The following CMAS variants were observed in gnomAD, a reference collection of about 807,000 sequenced individuals.
The protein encoded by CMAS is N-acylneuraminate cytidylyltransferase.
Under a neutral mutation model 53.4 loss-of-function variants are expected in CMAS, and 21 were observed. The observed-to-expected ratio is 0.39, with a 90% CI of 0.28 to 0.57. CMAS has a LOEUF of 0.57. Among genes scored for constraint, CMAS ranks in the 20% least tolerant of loss-of-function variants. The probability of loss-of-function intolerance (pLI) is 0.56; values close to 1 mark genes in which losing one functional copy is unlikely to be tolerated. For missense variants in CMAS, 384 were observed against 534.9 expected, an observed-to-expected ratio of 0.72 and a Z score of 2.78; for synonymous variants, 189 against 195.2, an observed-to-expected ratio of 0.97 and a Z score of 0.27.
chr12:22,065,077 T>C, intron 7 of CMAS, 44 bp from the exon 8 acceptor site: 2 of 1,502,642 alleles, frequency 1.3e-6, no homozygotes, highest in Non-Finnish European at 1.8e-6. Flanking sequence ...TAGAATATTC[T>C]TTGTCTCTTT....
At chr12:22,053,739 C>T (rs1950250224) in intron 1 of CMAS, among the ~76,000 whole-genome samples, 1 of 147,864 alleles carries the variant, frequency 6.8e-6, no homozygotes, top group African/African-American at 2.5e-5. Context: ...ATTAGCCGGG[C>T]GTGTTGGCGG....
Position 22,062,439 on chromosome 12 carries a change from G to C in CMAS, c.1114+5G>C. 1 of 1,609,102 alleles carries C rather than the reference G, an allele frequency of 6.2e-7. No individual in the cohort carries two copies. The highest frequency in any genetic ancestry group is 8.5e-7 in the Non-Finnish European group (1 of 1,179,056). ...GGAAAGAAGTGGCATATCTTGGTTG[G>C]TATCTTTTTATTCACCCATAGTAAA... On this transcript the variant is annotated splice_donor_5th_base_variant and intron_variant, in intron 7 of 7. Transcript: ENST00000229329.
At chr12:22,058,193 G>T (rs561535438) in intron 3 of CMAS, among the ~76,000 whole-genome samples, 1 of 151,272 alleles carries the variant, frequency 6.6e-6, no homozygotes, top group East Asian at 2.0e-4. Flanking sequence ...TTGGGAGGCC[G>T]AGGTGGGCGG....
chr12:22,064,717 A>G (rs1303202438), intron 7 of CMAS, among the ~76,000 whole-genome samples: 1 of 152,178 alleles, frequency 6.6e-6, no homozygotes, highest in African/African-American at 2.4e-5. Flanking sequence ...GGCAGTGCAT[A>G]GAAAACAATA....
At chr12:22,047,398 G>T (rs953509624) in intron 1 of CMAS, among the ~76,000 whole-genome samples, 3 of 152,100 alleles carry the variant, frequency 2.0e-5, no homozygotes, top group Admixed American at 2.0e-4. Context: ...TGAATGTGTT[G>T]TTATTGTGGA....
intron 1 of CMAS, among the ~76,000 whole-genome samples, chr12:22,049,785 A>G (rs968878478): frequency 1.3e-5 from 2 of 152,084 alleles, no homozygotes; most frequent in Non-Finnish European, 2.9e-5. Context: ...CATGCCTGTA[A>G]TCCCAGCTAC....
chr12:22,061,264 A>C lies in CMAS; in HGVS notation c.789-17A>C. ...GTACTGCACTTGTACTCAAAGGTCTATTTTGGTTTCTTTTAGATATGGCTA... is the reference window on the plus strand; with the variant it reads ...GTACTGCACTTGTACTCAAAGGTCTCTTTTGGTTTCTTTTAGATATGGCTA... On this transcript the variant is annotated splice_polypyrimidine_tract_variant and intron_variant, in intron 5 of 7. Transcript: ENST00000229329. 1 of 1,595,196 alleles carries C rather than the reference A, an allele frequency of 6.3e-7. No individual in the cohort carries two copies.
intron 1 of CMAS, 54 bp from the exon 2 acceptor site, chr12:22,055,095 A>G (rs1047358892): frequency 7.0e-7 from 1 of 1,419,490 alleles, no homozygotes; most frequent in Non-Finnish European, 9.6e-7. Flanking sequence ...GCTCCATTTT[A>G]TTGTTAATGA....
At chr12:22,055,853 G>GTTTGCCT (rs1228341477) in intron 3 of CMAS, among the ~76,000 whole-genome samples, 1 of 152,092 alleles carries the variant, frequency 6.6e-6, no homozygotes, top group Non-Finnish European at 1.5e-5. Flanking sequence ...TCTTATTTCT[G>GTTTGCCT]TTTGCCTTTT....
At chr12:22,062,826 C>CTGAA (rs1950317679) in intron 7 of CMAS, among the ~76,000 whole-genome samples, 1 of 152,140 alleles carries the variant, frequency 6.6e-6, no homozygotes, top group African/African-American at 2.4e-5. Context: ...GAATTACACT[C>CTGAA]TGAATAGTTT....
chr12:22,049,722 T>C (rs1950228281), intron 1 of CMAS, among the ~76,000 whole-genome samples: 1 of 152,078 alleles, frequency 6.6e-6, no homozygotes, highest in South Asian at 2.1e-4. Context: ...CTGGCCAACA[T>C]GGCGAAACCC....
chr12:22,054,059 T>G (rs891776024), intron 1 of CMAS, among the ~76,000 whole-genome samples: 4 of 151,542 alleles, frequency 2.6e-5, no homozygotes, highest in African/African-American at 9.7e-5. Context: ...CCCTAGTAGC[T>G]GGGATTACAG....
At chr12:22,058,929 T>TA (rs1565531072) in intron 4 of CMAS, among the ~76,000 whole-genome samples, 4 of 152,022 alleles carry the variant, frequency 2.6e-5, no homozygotes, top group African/African-American at 4.8e-5. Flanking sequence ...GCTACAACGA[T>TA]AAAAAAATGA....
At chr12:22,057,227 A>ACACACACC (rs1491223153) in intron 3 of CMAS, among the ~76,000 whole-genome samples, 1 of 130,222 alleles carries the variant, frequency 7.7e-6, no homozygotes, top group Non-Finnish European at 1.7e-5. Context: ...ACCAGCTATT[A>ACACACACC]CACACACACA....
At chr12:22,049,274 C>T (rs564777809) in intron 1 of CMAS, among the ~76,000 whole-genome samples, 1 of 152,292 alleles carries the variant, frequency 6.6e-6, no homozygotes, top group East Asian at 1.9e-4. Context: ...CGCTGAAAAA[C>T]ATGACAGGTT....
intron 1 of CMAS, among the ~76,000 whole-genome samples, chr12:22,051,411 G>A (rs1172532502): frequency 1.3e-5 from 2 of 152,184 alleles, no homozygotes; most frequent in African/African-American, 4.8e-5. Context: ...GGCCTATGCT[G>A]TTATTATCCC....
Position 22,062,261 on chromosome 12 carries a change from T to C in CMAS, c.961-20T>C, listed in dbSNP as rs1159512880. ...AATTTTTCCCTTCTTCCTCCAATCC[T>C]TTTTTTTTTTTTTTTTAAGGTGAGG... On this transcript the variant is annotated intron_variant, in intron 6 of 7. Coordinates refer to ENST00000229329, the MANE Select transcript of CMAS (RefSeq NM_018686.6). 2 of 48,510 alleles carry C rather than the reference T, an allele frequency of 4.1e-5. No individual in the cohort carries two copies. Among genetic ancestry groups the C allele is most frequent in the Non-Finnish European group, 6.1e-5 (2 of 32,832 alleles). The allele number at this position is 48,510 out of a possible 1,614,324, so 3.0% of individuals were successfully genotyped here.
chr12:22,062,727 G>A (rs1277280958), intron 7 of CMAS, among the ~76,000 whole-genome samples: 1 of 152,152 alleles, frequency 6.6e-6, no homozygotes, highest in Non-Finnish European at 1.5e-5. Context: ...GTAAACTGGA[G>A]ATATCGAGAG....
In CMAS at chr12:22,061,183, T is replaced by A. The variant is rs528356570; in HGVS notation, c.789-98T>A. 1.1e-4 allele frequency: 91 copies of A among 856,918 alleles called. 1 individual carries two copies. In the South Asian group the frequency reaches 1.2e-3, roughly 12 times the overall value. The allele number at this position is 856,918 out of a possible 1,614,324, so 53.1% of individuals were successfully genotyped here. On this transcript the variant is annotated intron_variant, in intron 5 of 7. Coordinates refer to ENST00000229329, the MANE Select transcript of CMAS (RefSeq NM_018686.6). ...AATTTGGAGAGTAATGTTTGAATAATTGAATGGAGGGTGACATTTCATGTA... is the reference window on the plus strand; with the variant it reads ...AATTTGGAGAGTAATGTTTGAATAAATGAATGGAGGGTGACATTTCATGTA...
Sources: gnomAD v4.1 joint callset for allele counts (sites outside exome capture counted in the v4.1 genomes callset) on GRCh38, gnomAD v4.1.1 for gene constraint, MANE v1.5 for transcripts, NCBI Gene and HGNC (gene_info 2026-07-23, HGNC 2026-07-21) for gene names.